The following LRMDA variants were observed in gnomAD, a reference collection of about 807,000 sequenced individuals.
The protein encoded by LRMDA is leucine rich melanocyte differentiation associated, also known as leucine-rich melanocyte differentiation-associated protein.
In LRMDA, 18 loss-of-function variants were observed where a neutral mutation model predicts 29.8. The observed-to-expected ratio is 0.60, with a 90% CI of 0.42 to 0.90. The LOEUF (loss-of-function observed/expected upper bound fraction) is 0.90, where lower values mean the gene tolerates loss of function less well. Ranked by LOEUF, LRMDA falls within the 40% of genes least tolerant of loss-of-function variation. The probability of loss-of-function intolerance (pLI) is 0.00; values close to 1 mark genes in which losing one functional copy is unlikely to be tolerated. For missense variants in LRMDA, 273 were observed against 273.9 expected (o/e 1.00, Z 0.02); for synonymous variants, 125 against 109.4 (o/e 1.14, Z -0.89).
At chr10:76,310,479 G>A in intron 5 of LRMDA, among the ~76,000 whole-genome samples, 1 of 86,972 alleles carries the variant, frequency 1.1e-5, no homozygotes, top group South Asian at 2.6e-4. Flanking sequence ...AGTCTCAAAA[G>A]AGGTATTTTT....
intron 5 of LRMDA, among the ~76,000 whole-genome samples, chr10:76,274,552 TC>T (rs1186761627): frequency 1.3e-5 from 2 of 152,200 alleles, no homozygotes; most frequent in African/African-American, 4.8e-5. Context: ...CCCAAATGTT[TC>T]TGTGTTCTTT....
chr10:76,143,979 T>C (rs578006707), intron 5 of LRMDA, among the ~76,000 whole-genome samples: 1 of 152,190 alleles, frequency 6.6e-6, no homozygotes, highest in African/African-American at 2.4e-5. Context: ...TTTTGTCAGG[T>C]TTGTTAAAGA....
At chr10:76,512,944 G>A (rs1186584774) in intron 6 of LRMDA, among the ~76,000 whole-genome samples, 6 of 152,024 alleles carry the variant, frequency 3.9e-5, no homozygotes, top group Non-Finnish European at 7.4e-5. Context: ...TATCTACTAC[G>A]TGATATATGT....
chr10:75,626,885 C>G (rs1841256510), intron 2 of LRMDA, among the ~76,000 whole-genome samples: 1 of 152,180 alleles, frequency 6.6e-6, no homozygotes, highest in African/African-American at 2.4e-5. Flanking sequence ...TTCTACAGCC[C>G]CATCTTGGGT....
intron 2 of LRMDA, among the ~76,000 whole-genome samples, chr10:75,917,014 T>C (rs1224315630): frequency 6.6e-6 from 1 of 152,218 alleles, no homozygotes; most frequent in Non-Finnish European, 1.5e-5. Flanking sequence ...AGTTGCTTCT[T>C]TGCGAGTCTT....
At chr10:76,356,858 G>T (rs1173629382) in intron 6 of LRMDA, among the ~76,000 whole-genome samples, 1 of 152,068 alleles carries the variant, frequency 6.6e-6, no homozygotes, top group Non-Finnish European at 1.5e-5. Flanking sequence ...GTCATCTTTG[G>T]GTCACATAAT....
chr10:76,432,456 A>C (rs915699600), intron 6 of LRMDA, among the ~76,000 whole-genome samples: 1 of 152,204 alleles, frequency 6.6e-6, no homozygotes, highest in African/African-American at 2.4e-5. Context: ...ATCTGGCCCC[A>C]TGCCTTTCAC....
intron 6 of LRMDA, among the ~76,000 whole-genome samples, chr10:76,490,771 C>T (rs1318864717): frequency 6.6e-6 from 1 of 151,864 alleles, no homozygotes; most frequent in Non-Finnish European, 1.5e-5. Flanking sequence ...AGTCCATTTA[C>T]ATGTATTATT....
intron 5 of LRMDA, among the ~76,000 whole-genome samples, chr10:76,116,105 C>T (rs112161247): frequency 3.4e-4 from 51 of 152,222 alleles, no homozygotes; most frequent in South Asian, 4.1e-4. Context: ...ATGTGGGATG[C>T]CCGCACCTGT....
chr10:75,552,440 T>C, intron 2 of LRMDA: 1 of 298,040 alleles, frequency 3.4e-6, no homozygotes, highest in Non-Finnish European at 7.4e-6. Flanking sequence ...CCCCTCTGGC[T>C]GCTTTCAGAA....
intron 2 of LRMDA, among the ~76,000 whole-genome samples, chr10:75,880,806 A>G (rs1205622128): frequency 6.6e-6 from 1 of 152,232 alleles, no homozygotes; most frequent in Admixed American, 6.5e-5. Context: ...AGGCAAAACA[A>G]AAAGTGGAGA....
intron 2 of LRMDA, among the ~76,000 whole-genome samples, chr10:75,673,065 C>T (rs183967963): frequency 7.1e-4 from 108 of 152,088 alleles, no homozygotes; most frequent in African/African-American, 2.1e-3. Context: ...TTTCATCCTC[C>T]GCTTCCTGCT....
intron 2 of LRMDA, among the ~76,000 whole-genome samples, chr10:75,716,561 G>A (rs1244462718): frequency 1.3e-5 from 2 of 152,132 alleles, no homozygotes; most frequent in African/African-American, 4.8e-5. Flanking sequence ...AAGACAAAGG[G>A]GGAACTACAA....
chr10:76,401,091 G>T (rs936284935), intron 6 of LRMDA, among the ~76,000 whole-genome samples: 1 of 152,152 alleles, frequency 6.6e-6, no homozygotes, highest in African/African-American at 2.4e-5. Context: ...CTCAACCTGT[G>T]CTAGGCTGCA....
chr10:75,783,505 G>C (rs1369381635), intron 2 of LRMDA, among the ~76,000 whole-genome samples: 1 of 133,832 alleles, frequency 7.5e-6, no homozygotes, highest in African/African-American at 2.8e-5. Context: ...AAAAAAAAAA[G>C]TCTGAGAATG....
chr10:75,570,249 A>C (rs2132069483), intron 2 of LRMDA, among the ~76,000 whole-genome samples: 1 of 152,292 alleles, frequency 6.6e-6, no homozygotes, highest in Middle Eastern at 3.4e-3. Flanking sequence ...TATGGGTTTG[A>C]AGTAATAGTT....
At chr10:76,128,080 A>T (rs1413338160) in intron 5 of LRMDA, among the ~76,000 whole-genome samples, 2 of 152,212 alleles carry the variant, frequency 1.3e-5, no homozygotes, top group Non-Finnish European at 2.9e-5. Context: ...TAGAGGTGAA[A>T]GGAGAGAATT....
At chr10:76,246,660 G>A (rs913766880) in intron 5 of LRMDA, among the ~76,000 whole-genome samples, 5 of 152,170 alleles carry the variant, frequency 3.3e-5, no homozygotes, top group Admixed American at 1.3e-4. Context: ...GCAGAATTAC[G>A]GCCCTGGATT....
rs971387615 is a variant in LRMDA at position 76,133,270 on chromosome 10, G to A, written c.516+74487G>A. 5.3e-5 allele frequency among the ~76,000 whole-genome samples: 8 copies of A among 151,024 alleles called. No individual in the cohort carries two copies. The East Asian group carries it at 7.8e-4, about 15-fold the overall frequency. ...TGAGGCTGGATTATATTTATTTCGT[G>A]TGTGTGTGTGTGTGTAAATTTTCTT... On this transcript the variant is annotated intron_variant, in intron 5 of 6. Transcript: ENST00000611255.
Sources: gnomAD v4.1 joint callset for allele counts (sites outside exome capture counted in the v4.1 genomes callset) on GRCh38, gnomAD v4.1.1 for gene constraint, MANE v1.5 for transcripts, NCBI Gene and HGNC (gene_info 2026-07-23, HGNC 2026-07-21) for gene names.